Variants in CDH6 observed in about 807,000 individuals in gnomAD.
The protein encoded by CDH6 is cadherin 6, also known as cadherin-6.
In CDH6, 31 loss-of-function variants were observed where a neutral mutation model predicts 78.0. The ratio of observed to expected loss-of-function variants is 0.40; its 90% confidence interval spans 0.30 to 0.54. The LOEUF is 0.54. CDH6 is among the 20% of genes least tolerant of loss of function. The pLI is 0.56. For synonymous variants in CDH6, 376 were observed against 368.8 expected (o/e 1.02, Z -0.23); for missense variants, 724 against 975.9 (o/e 0.74, Z 3.44).
intron 1 of CDH6, among the ~76,000 whole-genome samples, chr5:31,204,681 T>G (rs1740464717): frequency 1.3e-5 from 2 of 152,184 alleles, no homozygotes; most frequent in African/African-American, 4.8e-5. Flanking sequence ...CTTTGTATGA[T>G]AATCTTTTTA....
At chr5:31,260,184 A>C (rs1310498644) in intron 1 of CDH6, among the ~76,000 whole-genome samples, 1 of 152,206 alleles carries the variant, frequency 6.6e-6, no homozygotes, top group Non-Finnish European at 1.5e-5. Flanking sequence ...GTAAGACCTC[A>C]CATGAATTCA....
intron 3 of CDH6, 101 bp from the exon 4 acceptor site, chr5:31,297,188 T>C (rs1353235173): frequency 9.8e-7 from 1 of 1,015,744 alleles, no homozygotes; most frequent in East Asian, 2.4e-5. Flanking sequence ...TTCCTCAGCA[T>C]GATATTTCCA....
chr5:31,326,572 C>T lies in CDH6; in HGVS notation c.*3264C>T. 1 of 190,694 alleles carries T rather than the reference C, an allele frequency of 5.2e-6. No homozygotes were observed. Among genetic ancestry groups the T allele is most frequent in the Non-Finnish European group, 1.1e-5 (1 of 90,996 alleles). 11.8% of individuals were successfully genotyped at this position (190,694 alleles called of 1,614,324 possible). ...AGGGATGTTCAGCAATGAAATTACT[C>T]CCTTTTCAGATGGAACAAAACCTGC... On this transcript the variant is annotated 3_prime_UTR_variant, in exon 12 of 12. Transcript: ENST00000265071.
intron 6 of CDH6, among the ~76,000 whole-genome samples, chr5:31,303,278 G>A (rs1292321106): frequency 6.6e-6 from 1 of 152,112 alleles, no homozygotes; most frequent in Admixed American, 6.6e-5. Context: ...AAGGAGCCAA[G>A]TAAACAAACA....
chr5:31,291,191 C>A lies in CDH6; in HGVS notation c.229-2771C>A, dbSNP rs375786476. On this transcript the variant is annotated intron_variant, in intron 2 of 11. Transcript: ENST00000265071. ...ATATGTAAAGATAGCAATTGCCCCCCGCCGCCCAGTTAAAGAATACTGGCT... is the reference window on the plus strand; with the variant it reads ...ATATGTAAAGATAGCAATTGCCCCCAGCCGCCCAGTTAAAGAATACTGGCT... Among the ~76,000 whole-genome samples the A allele has an allele frequency of 7.9e-5, 12 of 152,232 alleles. No individual in the cohort carries two copies. The South Asian group carries it at 1.0e-3, about 13-fold the overall frequency.
At chr5:31,253,008 G>A (rs1741950132) in intron 1 of CDH6, among the ~76,000 whole-genome samples, 2 of 152,200 alleles carry the variant, frequency 1.3e-5, no homozygotes, top group African/African-American at 4.8e-5. Context: ...GGACTAAGTG[G>A]CTTATAAACA....
At chr5:31,274,796 G>C (rs964092742) in intron 2 of CDH6, among the ~76,000 whole-genome samples, 2 of 152,210 alleles carry the variant, frequency 1.3e-5, no homozygotes, top group Admixed American at 6.5e-5. Flanking sequence ...CTCCCAGCCT[G>C]GGCAAGAGAA....
chr5:31,265,068 G>T (rs1389724645), intron 1 of CDH6, among the ~76,000 whole-genome samples: 1 of 152,152 alleles, frequency 6.6e-6, no homozygotes, highest in African/African-American at 2.4e-5. Flanking sequence ...AGCAGCAGAC[G>T]TGTAATTCTT....
intron 6 of CDH6, among the ~76,000 whole-genome samples, chr5:31,303,700 C>T (rs1296486887): frequency 6.6e-6 from 1 of 152,168 alleles, no homozygotes; most frequent in Non-Finnish European, 1.5e-5. Context: ...TCTCCTTTAG[C>T]ATACTATAAT....
intron 1 of CDH6, among the ~76,000 whole-genome samples, chr5:31,205,626 CA>C (rs1266408148): frequency 6.6e-6 from 1 of 152,168 alleles, no homozygotes; most frequent in Non-Finnish European, 1.5e-5. Context: ...CTAAACTAAA[CA>C]ATGTCCTTGC....
In CDH6 at chr5:31,326,812, G is replaced by C. The variant is rs2149964021; in HGVS notation, c.*3504G>C. On this transcript the variant is annotated 3_prime_UTR_variant, in exon 12 of 12. Coordinates refer to ENST00000265071, the MANE Select transcript of CDH6 (RefSeq NM_004932.4). Reference sequence around the variant, plus strand: ...GTTCACGCCATTCTCCTGCCTCAGCGCCCCCAGTAGCTGGGACTACAGGCA... The same window carrying C: ...GTTCACGCCATTCTCCTGCCTCAGCCCCCCCAGTAGCTGGGACTACAGGCA... The C allele has an allele frequency of 6.6e-6, 1 of 150,468 alleles. No homozygotes were observed. Among genetic ancestry groups the C allele is most frequent in the East Asian group, 1.8e-4 (1 of 5,528 alleles). 9.3% of individuals were successfully genotyped at this position (150,468 alleles called of 1,614,324 possible). A position where few individuals can be genotyped will look rare whatever the true frequency, so the allele number is the denominator to read the frequency against.
chr5:31,298,493 A>G (rs1432677878), intron 4 of CDH6, among the ~76,000 whole-genome samples: 1 of 152,242 alleles, frequency 6.6e-6, no homozygotes, highest in Admixed American at 6.5e-5. Flanking sequence ...TTTGGAGAAC[A>G]GAAAGCAGCC....
intron 1 of CDH6, among the ~76,000 whole-genome samples, chr5:31,252,245 T>C (rs67069030): frequency 0.064 from 9,758 of 152,092 alleles, 388 homozygotes; most frequent in South Asian, 0.12. Context: ...AATTCTACAT[T>C]AGTACGGGAA....
At chr5:31,298,012 T>G (rs1737659537) in intron 4 of CDH6, among the ~76,000 whole-genome samples, 1 of 152,188 alleles carries the variant, frequency 6.6e-6, no homozygotes, top group South Asian at 2.1e-4. Flanking sequence ...TTTAGTTGTG[T>G]GAAGCCACTA....
chr5:31,240,467 A>G (rs1005058162), intron 1 of CDH6, among the ~76,000 whole-genome samples: 7 of 152,130 alleles, frequency 4.6e-5, no homozygotes, highest in Non-Finnish European at 7.4e-5. Context: ...TTAGAGACCA[A>G]GTGTTGCAGG....
intron 5 of CDH6, among the ~76,000 whole-genome samples, chr5:31,300,389 A>T (rs1737733347): frequency 6.6e-6 from 1 of 152,200 alleles, no homozygotes; most frequent in Non-Finnish European, 1.5e-5. Context: ...ATGACATTTT[A>T]AAAAAACTAA....
chr5:31,305,942 AAAAC>A (rs1202043007), intron 7 of CDH6, among the ~76,000 whole-genome samples: 2 of 152,240 alleles, frequency 1.3e-5, no homozygotes, highest in Non-Finnish European at 2.9e-5. Context: ...AAACCTTAAA[AAAAC>A]ACAAATTTGG....
chr5:31,252,000 T>G (rs1741921716), intron 1 of CDH6: 1 of 152,210 alleles, frequency 6.6e-6, no homozygotes. Context: ...GACATTTTAG[T>G]CCATATCCAT....
At chr5:31,266,696 T>G (rs1306144188) in intron 1 of CDH6, among the ~76,000 whole-genome samples, 4 of 152,196 alleles carry the variant, frequency 2.6e-5, no homozygotes, top group African/African-American at 9.7e-5. Flanking sequence ...ATGTATAGGC[T>G]TATCTTTATT....
Sources: allele counts gnomAD v4.1 joint callset (sites outside exome capture counted in the v4.1 genomes callset), GRCh38; gene constraint gnomAD v4.1.1; transcripts MANE v1.5; gene names NCBI Gene and HGNC (gene_info 2026-07-23, HGNC 2026-07-21).